LDAH: variants seen among roughly 807,000 people sequenced by gnomAD.
The protein encoded by LDAH is lipid droplet-associated hydrolase.
LDAH carries 26 observed loss-of-function variants against 29.6 expected under a neutral mutation model. The observed-to-expected ratio is 0.88, with a 90% CI of 0.64 to 1.22. LDAH has a LOEUF of 1.22. Among genes scored for constraint, LDAH ranks in the 50% most tolerant of loss-of-function variants. LDAH has a pLI of 0.00. For synonymous variants in LDAH, 117 were observed against 133.0 expected, an observed-to-expected ratio of 0.88 and a Z score of 0.83; for missense variants, 344 against 387.3, an observed-to-expected ratio of 0.89 and a Z score of 0.94.
intron 5 of LDAH, among the ~76,000 whole-genome samples, chr2:20,718,729 C>A (rs1271415297): frequency 6.6e-6 from 1 of 152,086 alleles, no homozygotes; most frequent in African/African-American, 2.4e-5. Flanking sequence ...CTCATCAGTG[C>A]ATGGAACATT....
chr2:20,762,449 T>G (rs1409027552), intron 4 of LDAH, among the ~76,000 whole-genome samples: 1 of 152,208 alleles, frequency 6.6e-6, no homozygotes, highest in African/African-American at 2.4e-5. Context: ...GGTATTTACC[T>G]GTTCAAACTT....
intron 2 of LDAH, among the ~76,000 whole-genome samples, chr2:20,797,654 G>GT (rs1187499417): frequency 6.6e-6 from 1 of 152,052 alleles, no homozygotes; most frequent in Non-Finnish European, 1.5e-5. Flanking sequence ...CTTCCAATTT[G>GT]TTTTTTGTCT....
intron 3 of LDAH, among the ~76,000 whole-genome samples, chr2:20,777,552 G>C (rs1344526152): frequency 6.6e-6 from 1 of 152,060 alleles, no homozygotes; most frequent in African/African-American, 2.4e-5. Flanking sequence ...CCAAGTAGCT[G>C]GGATTACAGG....
intron 5 of LDAH, among the ~76,000 whole-genome samples, chr2:20,716,053 C>T (rs1413906922): frequency 4.6e-5 from 7 of 152,012 alleles, no homozygotes; most frequent in African/African-American, 1.7e-4. Flanking sequence ...GTTAGAATGG[C>T]GATCATTAAA....
At chr2:20,797,201 G>A (rs1340867815) in intron 2 of LDAH, among the ~76,000 whole-genome samples, 1 of 152,154 alleles carries the variant, frequency 6.6e-6, no homozygotes, top group African/African-American at 2.4e-5. Context: ...ATTCCCATTA[G>A]TGGTTAAAAC....
At chr2:20,739,317 C>T (rs1319403394) in intron 5 of LDAH, among the ~76,000 whole-genome samples, 1 of 151,828 alleles carries the variant, frequency 6.6e-6, no homozygotes, top group African/African-American at 2.4e-5. Flanking sequence ...GTATTGTTAT[C>T]CCCACATTAT....
chr2:20,811,078 C>T (rs1672454821), intron 1 of LDAH, among the ~76,000 whole-genome samples: 1 of 150,850 alleles, frequency 6.6e-6, no homozygotes. Flanking sequence ...ACTGCAGTGG[C>T]GCGATCTCGG....
chr2:20,751,756 A>C (rs1667989343), intron 4 of LDAH, among the ~76,000 whole-genome samples: 1 of 152,206 alleles, frequency 6.6e-6, no homozygotes, highest in Non-Finnish European at 1.5e-5. Flanking sequence ...CAAATATAAA[A>C]CTCAGAGGAA....
intron 5 of LDAH, among the ~76,000 whole-genome samples, chr2:20,714,497 C>T (rs1029256467): frequency 2.0e-5 from 3 of 152,120 alleles, no homozygotes; most frequent in African/African-American, 4.8e-5. Flanking sequence ...CAAGCAAATT[C>T]GACAGCTAGC....
chr2:20,707,819 G>A lies in LDAH; in HGVS notation c.704-6167C>T, dbSNP rs1664422873. 2.0e-5 allele frequency among the ~76,000 whole-genome samples: 3 copies of A among 152,188 alleles called. No individual in the cohort carries two copies. The South Asian group carries it at 6.2e-4, about 32-fold the overall frequency. The stretch of plus-strand genomic sequence containing the variant: ...GTCACACGGCAGGAGGTGAGCAGCA[G>A]GCAAGCAAGTGAAGCTTTATCTGTA... On this transcript the variant is annotated intron_variant, in intron 5 of 6. Transcript: ENST00000237822.
At chr2:20,758,273 A>G (rs1668465067) in intron 4 of LDAH, among the ~76,000 whole-genome samples, 1 of 152,246 alleles carries the variant, frequency 6.6e-6, no homozygotes, top group Non-Finnish European at 1.5e-5. Flanking sequence ...GAATAAAGTC[A>G]GATAGGGAGT....
chr2:20,741,537 G>A (rs1667177248), intron 4 of LDAH, among the ~76,000 whole-genome samples: 1 of 152,134 alleles, frequency 6.6e-6, no homozygotes, highest in Non-Finnish European at 1.5e-5. Context: ...TATACTCACT[G>A]CACTGTGCAA....
Position 20,685,313 on chromosome 2 carries a change from T to C in LDAH, c.*1590A>G. 1 of 560,880 alleles carries C rather than the reference T, an allele frequency of 1.8e-6. No homozygotes were observed. Among genetic ancestry groups the C allele is most frequent in the Non-Finnish European group, 3.1e-6 (1 of 327,394 alleles). 34.7% of individuals were successfully genotyped at this position (560,880 alleles called of 1,614,324 possible). On this transcript the variant is annotated 3_prime_UTR_variant, in exon 7 of 7. Coordinates refer to ENST00000237822, the MANE Select transcript of LDAH (RefSeq NM_021925.4). ...TTAGTATCAGTGAGTATCTCCTGTA[T>C]GCAAGGCGCTCAGAGCCATGATTCC...
chr2:20,816,117 G>A (rs1672834717), intron 1 of LDAH, among the ~76,000 whole-genome samples: 1 of 151,972 alleles, frequency 6.6e-6, no homozygotes, highest in Non-Finnish European at 1.5e-5. Flanking sequence ...ACTAAAAAAG[G>A]TTAACTAAGC....
chr2:20,816,863 A>AT (rs1185015184), intron 1 of LDAH, among the ~76,000 whole-genome samples: 2 of 152,036 alleles, frequency 1.3e-5, no homozygotes, highest in African/African-American at 4.8e-5. Flanking sequence ...TATACAGCTT[A>AT]TGTTTTCTGA....
intron 6 of LDAH, among the ~76,000 whole-genome samples, chr2:20,700,859 G>A (rs1260927391): frequency 6.6e-6 from 1 of 152,126 alleles, no homozygotes; most frequent in Non-Finnish European, 1.5e-5. Flanking sequence ...TCCAATGTGT[G>A]TTTTACACTT....
chr2:20,805,944 C>T (rs1328723014), intron 1 of LDAH, among the ~76,000 whole-genome samples: 2 of 151,762 alleles, frequency 1.3e-5, no homozygotes, highest in Admixed American at 1.3e-4. Flanking sequence ...AACAGTAAGA[C>T]TGTACTAATA....
chr2:20,796,193 T>C (rs1671295340), intron 2 of LDAH, among the ~76,000 whole-genome samples: 1 of 152,192 alleles, frequency 6.6e-6, no homozygotes, highest in Non-Finnish European at 1.5e-5. Context: ...TCCCCTGTAA[T>C]GGGCTCTCTT....
intron 1 of LDAH, among the ~76,000 whole-genome samples, chr2:20,818,323 A>C (rs1407251020): frequency 6.6e-6 from 1 of 152,180 alleles, no homozygotes; most frequent in African/African-American, 2.4e-5. Context: ...ATTTAATTGC[A>C]ACTGGTATAA....
Sources: gnomAD v4.1 joint callset for allele counts (sites outside exome capture counted in the v4.1 genomes callset) on GRCh38, gnomAD v4.1.1 for gene constraint, MANE v1.5 for transcripts, NCBI Gene and HGNC (gene_info 2026-07-23, HGNC 2026-07-21) for gene names.